Variants in RANBP2 observed in about 807,000 individuals in gnomAD.
RANBP2 encodes the protein RAN binding protein 2.
A neutral mutation model predicts 303.6 loss-of-function variants in RANBP2; 57 were observed. That is an observed-to-expected ratio of 0.19 (90% CI 0.15 to 0.23). The LOEUF (loss-of-function observed/expected upper bound fraction) is 0.23. Among genes scored for constraint, RANBP2 ranks in the 10% least tolerant of loss-of-function variants. The pLI is 1.00. For synonymous variants in RANBP2, 1,167 were observed against 1,301.5 expected (o/e 0.90, Z 2.23); for missense variants, 3,138 against 3,780.8 (o/e 0.83, Z 4.46).
the RANBP2 span, among the ~76,000 whole-genome samples, chr2:109,536,957 C>G: frequency 6.6e-6 from 1 of 152,196 alleles, no homozygotes; most frequent in Admixed American, 6.5e-5. Flanking sequence ...GAGGCTTCCC[C>G]AGCCACATGG....
the RANBP2 span, among the ~76,000 whole-genome samples, chr2:109,184,933 T>G: frequency 6.6e-6 from 1 of 152,226 alleles, no homozygotes; most frequent in African/African-American, 2.4e-5. Flanking sequence ...AATATATACA[T>G]TTTCCATTTA....
At chr2:109,511,087 T>A in the RANBP2 span, among the ~76,000 whole-genome samples, 1 of 152,176 alleles carries the variant, frequency 6.6e-6, no homozygotes, top group Non-Finnish European at 1.5e-5. Flanking sequence ...CAGAGAGCAG[T>A]TAACCAACTC....
At chr2:109,303,342 G>A in the RANBP2 span, among the ~76,000 whole-genome samples, 2 of 152,228 alleles carry the variant, frequency 1.3e-5, no homozygotes, top group South Asian at 2.1e-4. Context: ...AAGACAAGGT[G>A]TGCGTTCAGT....
At chr2:109,175,862 TGCATC>T in the RANBP2 span, among the ~76,000 whole-genome samples, 1 of 152,256 alleles carries the variant, frequency 6.6e-6, no homozygotes. Context: ...CTTTTAGTTT[TGCATC>T]TTAATTATTT....
At chr2:108,980,604 A>G in the RANBP2 span, among the ~76,000 whole-genome samples, 1 of 152,164 alleles carries the variant, frequency 6.6e-6, no homozygotes, top group East Asian at 1.9e-4. Context: ...GTAAAACAGG[A>G]GTCCAGGGGT....
the RANBP2 span, among the ~76,000 whole-genome samples, chr2:109,539,527 T>C: frequency 6.6e-6 from 1 of 152,004 alleles, no homozygotes; most frequent in African/African-American, 2.4e-5. Context: ...CACTGCAACC[T>C]CTGCCTCCCA....
the RANBP2 span, among the ~76,000 whole-genome samples, chr2:109,299,793 G>C: frequency 6.6e-6 from 1 of 152,166 alleles, no homozygotes; most frequent in Non-Finnish European, 1.5e-5. Flanking sequence ...TGTGGCCGTG[G>C]TGTGGGCTCG....
the RANBP2 span, among the ~76,000 whole-genome samples, chr2:109,442,966 C>A: frequency 6.6e-6 from 1 of 152,180 alleles, no homozygotes; most frequent in African/African-American, 2.4e-5. Flanking sequence ...GAGTAAGAAA[C>A]ATACTTTAAT....
chr2:109,400,728 G>T, the RANBP2 span, among the ~76,000 whole-genome samples: 1 of 152,208 alleles, frequency 6.6e-6, no homozygotes, highest in South Asian at 2.1e-4. Flanking sequence ...ACAAACGCTG[G>T]CTCTCATCGG....
chr2:109,291,626 T>G, the RANBP2 span, among the ~76,000 whole-genome samples: 1 of 152,158 alleles, frequency 6.6e-6, no homozygotes, highest in South Asian at 2.1e-4. Context: ...TGGGGAAATG[T>G]GTGGAGGAAT....
chr2:109,686,429 C>T, the RANBP2 span, among the ~76,000 whole-genome samples: 1 of 152,280 alleles, frequency 6.6e-6, no homozygotes, highest in East Asian at 1.9e-4. Flanking sequence ...ATTCTCCTGC[C>T]TCAGCCTTTC....
the RANBP2 span, among the ~76,000 whole-genome samples, chr2:109,424,436 C>T: frequency 6.6e-6 from 1 of 152,116 alleles, no homozygotes; most frequent in Non-Finnish European, 1.5e-5. Flanking sequence ...AGGCAAACCT[C>T]ATTTCATCGC....
At chr2:109,053,050 A>G in the RANBP2 span, among the ~76,000 whole-genome samples, 3 of 152,216 alleles carry the variant, frequency 2.0e-5, no homozygotes, top group African/African-American at 7.2e-5. Context: ...TACAGACAGC[A>G]GAACTCTGCC....
At chr2:109,492,981 A>T in the RANBP2 span, among the ~76,000 whole-genome samples, 2 of 151,872 alleles carry the variant, frequency 1.3e-5, no homozygotes, top group African/African-American at 4.8e-5. Context: ...GACTGGGTTC[A>T]CACTGCACAC....
chr2:109,690,859 T>C, the RANBP2 span, among the ~76,000 whole-genome samples: 2 of 152,132 alleles, frequency 1.3e-5, no homozygotes, highest in Non-Finnish European at 2.9e-5. Context: ...CCTTCTTCCT[T>C]CATGTACACT....
At chr2:108,962,003 C>T in the RANBP2 span, among the ~76,000 whole-genome samples, 1 of 152,228 alleles carries the variant, frequency 6.6e-6, no homozygotes, top group Non-Finnish European at 1.5e-5. Flanking sequence ...TGAGCTGTTT[C>T]TCCCAACACC....
At chr2:109,493,601 C>CCA in the RANBP2 span, among the ~76,000 whole-genome samples, 102 of 151,038 alleles carry the variant, frequency 6.8e-4, no homozygotes, top group Admixed American at 1.5e-3. Context: ...TACACACAAA[C>CCA]CACACACACT....
the RANBP2 span, among the ~76,000 whole-genome samples, chr2:109,170,140 T>C: frequency 2.0e-5 from 3 of 152,106 alleles, no homozygotes; most frequent in Non-Finnish European, 4.4e-5. Context: ...AGGATTATAA[T>C]TTTACATACC....
the RANBP2 span, among the ~76,000 whole-genome samples, chr2:109,631,478 G>A: frequency 7.2e-5 from 11 of 152,136 alleles, no homozygotes; most frequent in Non-Finnish European, 1.6e-4. Flanking sequence ...AATTCTGGCC[G>A]GGTGCAGTGG....
Sources: allele counts gnomAD v4.1 joint callset (sites outside exome capture counted in the v4.1 genomes callset), GRCh38; gene constraint gnomAD v4.1.1; transcripts MANE v1.5; gene names NCBI Gene and HGNC (gene_info 2026-07-23, HGNC 2026-07-21).